NRXN1: variants seen among roughly 807,000 people sequenced by gnomAD.
NRXN1 encodes neurexin-1.
A neutral mutation model predicts 150.9 loss-of-function variants in NRXN1; 39 were observed. That is an observed-to-expected ratio of 0.26 (90% confidence interval 0.20 to 0.34). The LOEUF is 0.34. Ranked by LOEUF, NRXN1 falls within the 10% of genes least tolerant of loss-of-function variation. The pLI is 1.00. For synonymous variants in NRXN1, 924 were observed against 757.0 expected, an observed-to-expected ratio of 1.22 and a Z score of -3.62; for missense variants, 1,815 against 1,949.9, an observed-to-expected ratio of 0.93 and a Z score of 1.30.
intron 5 of NRXN1, among the ~76,000 whole-genome samples, chr2:50,819,073 G>C (rs1333395759): frequency 6.6e-6 from 1 of 152,134 alleles, no homozygotes; most frequent in Non-Finnish European, 1.5e-5. Context: ...TGCACTTTTG[G>C]TGAGAATGTA....
chr2:50,372,481 G>A (rs1010985228), intron 17 of NRXN1, among the ~76,000 whole-genome samples: 2 of 151,958 alleles, frequency 1.3e-5, no homozygotes, highest in Non-Finnish European at 2.9e-5. Flanking sequence ...AATAAACACT[G>A]GCAATTTCCA....
intron 5 of NRXN1, among the ~76,000 whole-genome samples, chr2:50,800,426 C>T (rs988813454): frequency 1.1e-4 from 16 of 151,984 alleles, no homozygotes; most frequent in Admixed American, 7.2e-4. Flanking sequence ...TATCTATGAG[C>T]GATTATAGGA....
At chr2:50,454,316 A>G (rs1442819720) in intron 17 of NRXN1, among the ~76,000 whole-genome samples, 1 of 152,162 alleles carries the variant, frequency 6.6e-6, no homozygotes, top group Non-Finnish European at 1.5e-5. Flanking sequence ...ACAGAGTGAG[A>G]ATCCATCTCG....
chr2:50,691,740 T>G (rs1176346105), intron 5 of NRXN1, among the ~76,000 whole-genome samples: 7 of 152,084 alleles, frequency 4.6e-5, no homozygotes, highest in African/African-American at 1.7e-4. Flanking sequence ...CAGATCTCTT[T>G]AGTTAGTCAG....
intron 17 of NRXN1, among the ~76,000 whole-genome samples, chr2:50,301,669 G>C (rs982091976): frequency 3.3e-5 from 5 of 152,132 alleles, no homozygotes. Context: ...GCATCTCTGA[G>C]AATACCCTGG....
chr2:50,190,444 T>C (rs541605258), intron 18 of NRXN1, among the ~76,000 whole-genome samples: 64 of 152,216 alleles, frequency 4.2e-4, no homozygotes, highest in African/African-American at 1.4e-3. Flanking sequence ...CTCAAGCATA[T>C]AGGCAATCAT....
chr2:50,730,675 T>TC (rs1442957969), intron 5 of NRXN1, among the ~76,000 whole-genome samples: 15 of 143,978 alleles, frequency 1.0e-4, no homozygotes, highest in African/African-American at 2.8e-4. Context: ...TTGTTTTCTT[T>TC]TTTTTTTTTT....
At chr2:50,339,320 T>G (rs2077394913) in intron 17 of NRXN1, among the ~76,000 whole-genome samples, 1 of 151,398 alleles carries the variant, frequency 6.6e-6, no homozygotes, top group African/African-American at 2.5e-5. Flanking sequence ...ACAGGAACAT[T>G]TAAAAGTTCA....
intron 2 of NRXN1, among the ~76,000 whole-genome samples, chr2:50,976,941 A>G (rs1051308130): frequency 6.6e-6 from 1 of 152,086 alleles, no homozygotes; most frequent in Non-Finnish European, 1.5e-5. Flanking sequence ...ATCAAAGGTC[A>G]AAGATGCCTT....
chr2:50,045,444 A>G (rs1449164061), intron 21 of NRXN1, among the ~76,000 whole-genome samples: 1 of 152,080 alleles, frequency 6.6e-6, no homozygotes, highest in East Asian at 1.9e-4. Flanking sequence ...CGCCCAGGTT[A>G]AGCAATCCTT....
intron 5 of NRXN1, among the ~76,000 whole-genome samples, chr2:50,920,587 C>A (rs1018359740): frequency 6.6e-6 from 1 of 151,662 alleles, no homozygotes; most frequent in African/African-American, 2.4e-5. Flanking sequence ...TCTATGCCAT[C>A]CCTAAGTCCA....
chr2:50,995,977 A>G (rs1165968679), intron 2 of NRXN1, among the ~76,000 whole-genome samples: 1 of 152,064 alleles, frequency 6.6e-6, no homozygotes, highest in Non-Finnish European at 1.5e-5. Context: ...TACATAGGTT[A>G]TCATTTTCAA....
chr2:50,614,733 C>CAAAAA (rs33968907), intron 8 of NRXN1, among the ~76,000 whole-genome samples: 6 of 98,226 alleles, frequency 6.1e-5, no homozygotes, highest in East Asian at 3.5e-4. Flanking sequence ...ATCAGCCATT[C>CAAAAA]AAAAAAAAAA....
At chr2:50,997,386 A>C (rs909726360) in intron 2 of NRXN1, among the ~76,000 whole-genome samples, 4 of 152,106 alleles carry the variant, frequency 2.6e-5, no homozygotes, top group African/African-American at 9.7e-5. Flanking sequence ...AACAAACAAA[A>C]AAAGATACTC....
rs201385273 is a variant in NRXN1 at position 50,236,773 on chromosome 2, T to C, written c.3546+16A>G. The C allele has an allele frequency of 1.9e-6, 3 of 1,611,666 alleles. No individual in the cohort carries two copies. The highest frequency in any genetic ancestry group is 1.1e-5 in the South Asian group (1 of 91,026). On this transcript the variant is annotated intron_variant, in intron 18 of 22. Transcript: ENST00000401669. ...AGTAAAAAGTAAAAGCTGAATCTTA[T>C]GCAAAAAGTACTTACTATATGCAGT...
At position 50,346,831 on chromosome 2, in the gene NRXN1, G is replaced by C. The variant is rs1558570449; in HGVS notation, c.3365-109861C>G. The C allele has an allele frequency of 6.2e-7, 1 of 1,611,062 alleles. No individual in the cohort carries two copies. Among genetic ancestry groups the C allele is most frequent in the Admixed American group, 1.7e-5 (1 of 59,840 alleles). On this transcript the variant is annotated intron_variant, in intron 17 of 22. Transcript: ENST00000401669. This position sits in a 1 kb window ranked among gnomAD's most constrained non-coding sequence, Gnocchi z 5.0. ...CGCCACTCCTAGGAGGCCGCTGAGG[G>C]TGAGCGGGACTATCCAAAGCAGGGC...
chr2:50,538,571 G>A lies in NRXN1; in HGVS notation c.1825C>T (p.Leu609=). 6.4e-7 allele frequency: 1 copy of A among 1,563,260 alleles called. No homozygotes were observed. The highest frequency in any genetic ancestry group is 8.7e-7 in the Non-Finnish European group (1 of 1,153,410). Residue 609 remains leucine, a synonymous_variant, in exon 10 of 23, where the codon CTG becomes TTG. Transcript: ENST00000401669. ...CCCCCCAGGTACAACTCATCATCCA[G>A]GTCCAGAATCTCACTCTCACCAGGA... ...TAPGESEILD[L]DDELYLGGLP...
chr2:50,682,370 C>T (rs559736134), intron 5 of NRXN1, among the ~76,000 whole-genome samples: 15 of 152,160 alleles, frequency 9.9e-5, no homozygotes, highest in Non-Finnish European at 1.6e-4. Flanking sequence ...GTTTACTATC[C>T]CATGTCTTCT....
intron 2 of NRXN1, among the ~76,000 whole-genome samples, chr2:51,019,961 A>G (rs969464717): frequency 6.6e-5 from 10 of 152,102 alleles, no homozygotes; most frequent in African/African-American, 2.4e-4. Flanking sequence ...ACATTTTTCA[A>G]TATAGATTTC....
Sources: allele counts gnomAD v4.1 joint callset (sites outside exome capture counted in the v4.1 genomes callset), GRCh38; gene constraint gnomAD v4.1.1; non-coding constraint Gnocchi (gnomAD v3.1); transcripts MANE v1.5; gene names NCBI Gene and HGNC (gene_info 2026-07-23, HGNC 2026-07-21).